AVEN: variants seen among roughly 807,000 people sequenced by gnomAD.
AVEN encodes the protein apoptosis and caspase activation inhibitor.
A neutral mutation model predicts 38.1 loss-of-function variants in AVEN; 41 were observed. The observed-to-expected ratio is 1.08, with a 90% CI of 0.84 to 1.40. The LOEUF is 1.40. Ranked by LOEUF, AVEN falls within the 40% of genes most tolerant of loss-of-function variation. The probability of loss-of-function intolerance (pLI) is 0.00; values close to 1 mark genes in which losing one functional copy is unlikely to be tolerated. For missense variants in AVEN, 605 were observed against 438.8 expected, an observed-to-expected ratio of 1.38 and a Z score of -3.38; for synonymous variants, 206 against 171.8, an observed-to-expected ratio of 1.20 and a Z score of -1.56.
At chr15:33,884,792 GA>G (rs1490951480) in intron 2 of AVEN, among the ~76,000 whole-genome samples, 2 of 152,166 alleles carry the variant, frequency 1.3e-5, no homozygotes, top group African/African-American at 4.8e-5. Context: ...AAGACTTTCA[GA>G]ATGAACAATA....
intron 5 of AVEN, among the ~76,000 whole-genome samples, chr15:34,053,870 C>G (rs1392296352): frequency 3.3e-5 from 5 of 152,054 alleles, no homozygotes; most frequent in African/African-American, 1.2e-4. Flanking sequence ...GCAAAAGAAA[C>G]TATCATCAGA....
At chr15:33,859,878 C>T (rs950389176) in intron 11 of AVEN, 1 of 899,872 alleles carries the variant, frequency 1.1e-6, no homozygotes, top group South Asian at 1.8e-5. Context: ...ATCTACTATA[C>T]CTGAGGCTTT....
intron 3 of AVEN, among the ~76,000 whole-genome samples, chr15:33,871,601 C>T (rs771839671): frequency 7.9e-5 from 12 of 151,754 alleles, no homozygotes; most frequent in East Asian, 3.9e-4. Context: ...AACCTGGAAA[C>T]GGTGGAGGCT....
chr15:33,869,334 CAT>C (rs1774858337), intron 4 of AVEN, among the ~76,000 whole-genome samples: 1 of 152,194 alleles, frequency 6.6e-6, no homozygotes, highest in Admixed American at 6.5e-5. Flanking sequence ...TTCAATGTCA[CAT>C]AATTATTTTA....
At chr15:33,854,843 A>T, downstream of AVEN, 2 of 1,613,806 alleles carry the variant, frequency 1.2e-6, no homozygotes, top group Non-Finnish European at 1.7e-6. Context: ...CTGCTCACCT[A>T]TTGGACATCG....
intron 1 of AVEN, among the ~76,000 whole-genome samples, chr15:34,004,782 A>C (rs1897271910): frequency 6.6e-6 from 1 of 152,156 alleles, no homozygotes; most frequent in South Asian, 2.1e-4. Flanking sequence ...CTGTATTATT[A>C]TTCTATCTAC....
intron 1 of AVEN, among the ~76,000 whole-genome samples, chr15:34,029,120 TC>T (rs775802717): frequency 6.6e-6 from 1 of 152,088 alleles, no homozygotes; most frequent in Non-Finnish European, 1.5e-5. Flanking sequence ...TTCTCAGGCT[TC>T]CACAGCACCT....
At chr15:34,028,107 C>G (rs528045943) in intron 1 of AVEN, among the ~76,000 whole-genome samples, 1 of 152,248 alleles carries the variant, frequency 6.6e-6, no homozygotes, top group South Asian at 2.1e-4. Flanking sequence ...AGAGACCCCC[C>G]CTCAGCAAAA....
intron 2 of AVEN, among the ~76,000 whole-genome samples, chr15:33,967,022 G>A (rs958924292): frequency 6.6e-6 from 1 of 151,804 alleles, no homozygotes; most frequent in Admixed American, 6.6e-5. Context: ...TAAAACTTGG[G>A]GTATTTATTA....
chr15:33,919,654 A>G (rs1893311903), intron 2 of AVEN, among the ~76,000 whole-genome samples: 1 of 152,220 alleles, frequency 6.6e-6, no homozygotes, highest in Non-Finnish European at 1.5e-5. Flanking sequence ...GGCTTAGAAT[A>G]AGAGCACAGA....
At chr15:33,913,787 A>G (rs1358073357) in intron 2 of AVEN, among the ~76,000 whole-genome samples, 1 of 152,192 alleles carries the variant, frequency 6.6e-6, no homozygotes, top group Admixed American at 6.5e-5. Flanking sequence ...TTCTCATTAT[A>G]CAAGAATACA....
intron 4 of AVEN, among the ~76,000 whole-genome samples, chr15:33,869,233 C>A (rs115553047): frequency 6.6e-6 from 1 of 152,090 alleles, no homozygotes; most frequent in Non-Finnish European, 1.5e-5. Context: ...GTTTTTAACT[C>A]CCCAGGTGAT....
chr15:34,029,661 C>T (rs542099665), intron 1 of AVEN, among the ~76,000 whole-genome samples: 6 of 152,112 alleles, frequency 3.9e-5, no homozygotes, highest in African/African-American at 4.8e-5. Context: ...GTGAAGGACA[C>T]CAAGGGAAAA....
intron 2 of AVEN, among the ~76,000 whole-genome samples, chr15:33,943,925 G>A (rs1245969983): frequency 6.6e-6 from 1 of 151,616 alleles, no homozygotes; most frequent in Non-Finnish European, 1.5e-5. Flanking sequence ...TTAGAAACAG[G>A]GTCTTGCTAT....
intron 3 of AVEN, chr15:34,066,613 TG>T (rs1900516848): frequency 6.6e-6 from 1 of 152,222 alleles, no homozygotes. Flanking sequence ...AAGACCAGCC[TG>T]GCAACATAGG....
chr15:33,854,625 C>G, downstream of AVEN: 1 of 1,168,754 alleles, frequency 8.6e-7, no homozygotes, highest in Non-Finnish European at 1.2e-6. Flanking sequence ...GCTCACTTAG[C>G]AGATCTTGGG....
chr15:33,974,728 T>A (rs895002691), intron 2 of AVEN, among the ~76,000 whole-genome samples: 2 of 152,172 alleles, frequency 1.3e-5, no homozygotes, highest in African/African-American at 4.8e-5. Flanking sequence ...ATCCCAGCAC[T>A]TTGGGAGGCC....
intron 2 of AVEN, among the ~76,000 whole-genome samples, chr15:33,937,982 A>G (rs968589122): frequency 2.6e-5 from 4 of 151,020 alleles, no homozygotes; most frequent in Non-Finnish European, 4.4e-5. Flanking sequence ...AATTCCAATT[A>G]AAGTACTAAA....
intron 1 of AVEN, among the ~76,000 whole-genome samples, chr15:34,015,392 G>A (rs180854789): frequency 3.7e-4 from 56 of 152,182 alleles, no homozygotes; most frequent in African/African-American, 1.3e-3. Flanking sequence ...TGAGGCAGGA[G>A]AATAGCGTGA....
Sources: allele counts gnomAD v4.1 joint callset (sites outside exome capture counted in the v4.1 genomes callset), GRCh38; gene constraint gnomAD v4.1.1; transcripts MANE v1.5; gene names NCBI Gene and HGNC (gene_info 2026-07-23, HGNC 2026-07-21).